The following ZNF550 variants were observed in gnomAD, a reference collection of about 807,000 sequenced individuals.
ZNF550 encodes the protein zinc finger protein 550.
Under a neutral mutation model 40.2 loss-of-function variants are expected in ZNF550, and 42 were observed. The ratio of observed to expected loss-of-function variants is 1.05; its 90% confidence interval spans 0.82 to 1.35. The LOEUF is 1.35. Ranked by LOEUF, ZNF550 falls within the 40% of genes most tolerant of loss-of-function variation. ZNF550 has a pLI of 0.00. For missense variants in ZNF550, 549 were observed against 525.2 expected (o/e 1.05, Z -0.44); for synonymous variants, 223 against 198.6 (o/e 1.12, Z -1.03).
upstream of ZNF550, chr19:57,559,901 C>A: frequency 2.3e-6 from 1 of 429,730 alleles, no homozygotes. Flanking sequence ...CCTTTTCCTG[C>A]GCCGGCCCAC....
At chr19:57,547,993 C>T in exon 4 of ZNF550, 1 of 1,609,142 alleles carries the variant, frequency 6.2e-7, no homozygotes, top group Non-Finnish European at 8.5e-7. Flanking sequence ...TGCTCTGTCA[C>T]CTGAAGGGCA....
At chr19:57,548,717 C>T (rs1396911943) in intron 3 of ZNF550, among the ~76,000 whole-genome samples, 1 of 152,120 alleles carries the variant, frequency 6.6e-6, no homozygotes, top group Non-Finnish European at 1.5e-5. Context: ...CCAGCAATCC[C>T]AGTGGAGGTA....
exon 4 of ZNF550, chr19:57,547,212 A>G: frequency 6.2e-7 from 1 of 1,613,618 alleles, no homozygotes; most frequent in Non-Finnish European, 8.5e-7. Flanking sequence ...ATGCCATGCA[A>G]TCATAGGGCT....
intron 1 of ZNF550, among the ~76,000 whole-genome samples, chr19:57,557,762 C>T (rs2090135610): frequency 6.6e-6 from 1 of 152,178 alleles, no homozygotes; most frequent in South Asian, 2.1e-4. Context: ...CGTGGTAAAG[C>T]AAATAAAGGC....
At chr19:57,557,931 A>T (rs2090136924) in intron 1 of ZNF550, among the ~76,000 whole-genome samples, 1 of 152,266 alleles carries the variant, frequency 6.6e-6, no homozygotes, top group Admixed American at 6.5e-5. Context: ...TCACTTAGGC[A>T]ATCAGTGGAG....
intron 1 of ZNF550, 64 bp from the exon 2 acceptor site, chr19:57,556,421 A>T: frequency 6.4e-7 from 1 of 1,557,174 alleles, no homozygotes. Flanking sequence ...AGAACCTGTC[A>T]CTCAGTCTCT....
chr19:57,555,004 T>C (rs1017935140), intron 2 of ZNF550: 6 of 152,256 alleles, frequency 3.9e-5, no homozygotes, highest in African/African-American at 1.4e-4. Flanking sequence ...CTAGAACTTA[T>C]TTCAGTTGTC....
At chr19:57,546,740 ATGAG>A (rs1319062176) in exon 4 of ZNF550, 2 of 1,284,182 alleles carry the variant, frequency 1.6e-6, no homozygotes, top group African/African-American at 2.9e-5. Context: ...TCCTTCTGCA[ATGAG>A]TGAGAACTGA....
exon 4 of ZNF550, chr19:57,547,372 T>C (rs534898048): frequency 1.9e-4 from 305 of 1,612,914 alleles, no homozygotes; most frequent in South Asian, 5.7e-4. Context: ...CTTTCGACAT[T>C]GACTACACTC....
intron 2 of ZNF550, 85 bp from the exon 3 acceptor site, chr19:57,552,807 G>C (rs2090085236): frequency 1.0e-6 from 1 of 975,914 alleles, no homozygotes; most frequent in African/African-American, 1.6e-5. Context: ...TCATGACAGG[G>C]TCCAGACATG....
chr19:57,556,346 G>A, exon 2 of ZNF550: 3 of 1,613,236 alleles, frequency 1.9e-6, no homozygotes, highest in Non-Finnish European at 1.7e-6. Flanking sequence ...CATCCTTGAA[G>A]GTCACCAACA....
chr19:57,544,448 C>G, intron 4 of ZNF550: 1 of 985,418 alleles, frequency 1.0e-6, no homozygotes, highest in Non-Finnish European at 1.2e-6. Context: ...CTCCAACTCT[C>G]TTGAACCCAG....
chr19:57,547,029 C>G, exon 4 of ZNF550: 1 of 1,613,690 alleles, frequency 6.2e-7, no homozygotes, highest in Non-Finnish European at 8.5e-7. Flanking sequence ...TGAAGGCCTT[C>G]CCACACTCGA....
Position 57,559,646 on chromosome 19 carries a change from G to C in ZNF550, c.27+10C>G. ...CGGGTGGCCGCGGGGAGCCGAGCCAGTCTGCTCACCTGCGCTGCGTCCTTC... is the reference window on the plus strand; with the variant it reads ...CGGGTGGCCGCGGGGAGCCGAGCCACTCTGCTCACCTGCGCTGCGTCCTTC... On this transcript the variant is annotated intron_variant, in intron 1 of 4. Transcript: ENST00000457177. 1 of 1,491,778 alleles carries C rather than the reference G, an allele frequency of 6.7e-7. No individual in the cohort carries two copies. Among genetic ancestry groups the C allele is most frequent in the African/African-American group, 1.4e-5 (1 of 71,970 alleles). 92.4% of individuals were successfully genotyped at this position (1,491,778 alleles called of 1,614,324 possible).
chr19:57,552,718 A>G, exon 3 of ZNF550: 1 of 1,597,638 alleles, frequency 6.3e-7, no homozygotes, highest in Non-Finnish European at 8.5e-7. Context: ...TGGGAACCCG[A>G]TGCCCTGTTG....
rs575098580 is a variant in ZNF550 at position 57,559,642 on chromosome 19, G to C, written c.27+14C>G. On this transcript the variant is annotated intron_variant, in intron 1 of 4. Coordinates refer to ENST00000457177, the Ensembl canonical transcript of ZNF550. The stretch of plus-strand genomic sequence containing the variant: ...AGGCCGGGTGGCCGCGGGGAGCCGA[G>C]CCAGTCTGCTCACCTGCGCTGCGTC... The C allele has an allele frequency of 6.0e-4, 899 of 1,486,490 alleles. No individual in the cohort carries two copies. Among genetic ancestry groups the C allele is most frequent in the Middle Eastern group, 9.6e-4 (5 of 5,234 alleles). 92.1% of individuals were successfully genotyped at this position (1,486,490 alleles called of 1,614,324 possible).
At chr19:57,545,577 T>C (rs1464483813) in intron 4 of ZNF550, among the ~76,000 whole-genome samples, 2 of 151,830 alleles carry the variant, frequency 1.3e-5, no homozygotes, top group African/African-American at 4.8e-5. Context: ...AATGTGAGAG[T>C]GCTGAGCATT....
intron 4 of ZNF550, among the ~76,000 whole-genome samples, chr19:57,545,162 C>T (rs1300479127): frequency 6.6e-6 from 1 of 152,168 alleles, no homozygotes; most frequent in Non-Finnish European, 1.5e-5. Flanking sequence ...GTGCTAGCAC[C>T]AAGGGACTAA....
exon 4 of ZNF550, chr19:57,546,882 A>G: frequency 1.4e-6 from 2 of 1,468,192 alleles, no homozygotes; most frequent in Non-Finnish European, 1.8e-6. Context: ...TTTGCATTCG[A>G]AGGACTTCTT....
Sources: gnomAD v4.1 joint callset for allele counts (sites outside exome capture counted in the v4.1 genomes callset) on GRCh38, gnomAD v4.1.1 for gene constraint, MANE v1.5 for transcripts, NCBI Gene and HGNC (gene_info 2026-07-23, HGNC 2026-07-21) for gene names.